Variants in DHX38 observed in about 807,000 individuals in gnomAD.
DHX38 encodes pre-mRNA-splicing factor ATP-dependent RNA helicase PRP16.
Under a neutral mutation model 153.1 loss-of-function variants are expected in DHX38, and 100 were observed. The ratio of observed to expected loss-of-function variants is 0.65; its 90% confidence interval spans 0.56 to 0.77. The LOEUF is 0.77. DHX38 is among the 30% of genes least tolerant of loss of function. The pLI, the probability that DHX38 is intolerant of heterozygous loss-of-function variation, is 0.00. For missense variants in DHX38, 1,440 were observed against 1,654.0 expected, an observed-to-expected ratio of 0.87 and a Z score of 2.24; for synonymous variants, 650 against 631.7, an observed-to-expected ratio of 1.03 and a Z score of -0.43.
rs111685951 is a variant in DHX38 at position 72,108,814 on chromosome 16, C to A, written c.3270C>A (p.Tyr1090Ter). 5 of 1,613,578 alleles carry A rather than the reference C, an allele frequency of 3.1e-6. No homozygotes were observed. The highest frequency in any genetic ancestry group is 4.2e-6 in the Non-Finnish European group (5 of 1,179,820). ...CTCCTCCCTAGGGAATCGGGGAGTACGTGAACATCCGCACAGGGATGCCCT... is the reference window on the plus strand; with the variant it reads ...CTCCTCCCTAGGGAATCGGGGAGTAAGTGAACATCCGCACAGGGATGCCCT... The part of the protein sequence containing the change: ...QAAKLKGIGE[Y>*]VNIRTGMPCH... The change falls in exon 24 of 27, where the codon TAC becomes TAA. Residue 1090 changes from tyrosine (Y) to a stop codon, truncating the protein, a stop_gained. Transcript: ENST00000268482. LOFTEE classifies it high-confidence loss of function.
Position 72,096,291 on chromosome 16 carries a change from G to C in DHX38, c.134G>C (p.Arg45Pro). Residue 45 changes from arginine to proline, a missense_variant, in exon 2 of 27, where the codon CGC becomes CCC. By Grantham distance (103) the Arg-to-Pro change is moderately radical. This residue lies in a region of DHX38 where 483 missense variants were observed against 465.1 expected (regional missense o/e 1.04). Transcript: ENST00000268482. ...CATGTCTTCAAGGCTCCTGCTCCCC[G>C]CCCTTCATTACTCGGACTGGACTTG... ...EQHVFKAPAPRPSLLGLDLLA... is the reference protein window; with the variant it reads ...EQHVFKAPAPPPSLLGLDLLA... 2 of 1,614,146 alleles carry C rather than the reference G, an allele frequency of 1.2e-6. No individual in the cohort carries two copies. Among genetic ancestry groups the C allele is most frequent in the Non-Finnish European group, 1.7e-6 (2 of 1,180,010 alleles).
At chr16:72,097,172 T>G in intron 3 of DHX38, 163 bp downstream of exon 3, 3 of 684,150 alleles carry the variant, frequency 4.4e-6, no homozygotes, top group Non-Finnish European at 6.9e-6. Context: ...GAATACTAGT[T>G]TAAGAAAAGA....
At position 72,104,665 on chromosome 16, in the gene DHX38, C is replaced by T. The variant is rs757392534; in HGVS notation, c.2151+39C>T. 5 of 1,612,524 alleles carry T rather than the reference C, an allele frequency of 3.1e-6. No individual in the cohort carries two copies. In the Admixed American group the frequency reaches 8.3e-5, roughly 27 times the overall value. On this transcript the variant is annotated intron_variant, in intron 15 of 26. Coordinates refer to ENST00000268482, the MANE Select transcript of DHX38 (RefSeq NM_014003.4). This position sits in a 1 kb window ranked among gnomAD's most constrained non-coding sequence, Gnocchi z 4.5. ...CATGTTACGAACTGACCCTTCCATG[C>T]CACGCACTTCTCTGATGCGAAGCCG...
chr16:72,095,558 T>A (rs2144126132), intron 1 of DHX38, among the ~76,000 whole-genome samples: 1 of 152,384 alleles, frequency 6.6e-6, no homozygotes, highest in South Asian at 2.1e-4. Flanking sequence ...TACATTTATG[T>A]TAACTGTTAT....
Position 72,112,573 on chromosome 16 carries a change from A to G in DHX38, c.*76A>G. ...TCTGGCGGGAGCCCTGAGGCTGCGG[A>G]CAAAGCCCTTTCATCTGAGGACTTT... is the stretch of plus-strand genomic sequence containing the variant. On this transcript the variant is annotated 3_prime_UTR_variant, in exon 27 of 27. Coordinates refer to ENST00000268482, the MANE Select transcript of DHX38 (RefSeq NM_014003.4). The G allele has an allele frequency of 5.3e-6, 8 of 1,506,004 alleles. No individual in the cohort carries two copies. Among genetic ancestry groups the G allele is most frequent in the Non-Finnish European group, 7.3e-6 (8 of 1,093,580 alleles). The allele number at this position is 1,506,004 out of a possible 1,614,324, so 93.3% of individuals were successfully genotyped here.
At chr16:72,103,890 G>C (rs778545080) in intron 13 of DHX38, 56 bp from the exon 14 acceptor site, 10 of 1,606,446 alleles carry the variant, frequency 6.2e-6, no homozygotes, top group Non-Finnish European at 8.5e-6. Context: ...CCAGTACGGG[G>C]TGTGCTGGTG....
intron 11 of DHX38, among the ~76,000 whole-genome samples, chr16:72,102,499 T>G (rs575185823): frequency 1.3e-5 from 2 of 152,228 alleles, no homozygotes; most frequent in African/African-American, 4.8e-5. Flanking sequence ...ATCTCGGGTG[T>G]GTACATGTGT....
At chr16:72,094,614 A>G (rs2041980808) in intron 1 of DHX38, among the ~76,000 whole-genome samples, 3 of 152,236 alleles carry the variant, frequency 2.0e-5, no homozygotes, top group Non-Finnish European at 2.9e-5. Flanking sequence ...AATCCTTCTC[A>G]AGAATCTTGC....
At chr16:72,096,071 C>T (rs2042012911) in intron 1 of DHX38, 68 bp from the exon 2 acceptor site, 3 of 1,468,786 alleles carry the variant, frequency 2.0e-6, no homozygotes, top group Admixed American at 4.3e-5. Flanking sequence ...ATAACCATAA[C>T]TGCATTTATT....
Position 72,107,259 on chromosome 16 carries a change from C to T in DHX38, c.2601-81C>T. 7.1e-7 allele frequency: 1 copy of T among 1,411,630 alleles called. No individual in the cohort carries two copies. The highest frequency in any genetic ancestry group is 1.4e-5 in the South Asian group (1 of 73,820). The allele number at this position is 1,411,630 out of a possible 1,614,324, so 87.4% of individuals were successfully genotyped here. A position where few individuals can be genotyped will look rare whatever the true frequency, so the allele number is the denominator to read the frequency against. On this transcript the variant is annotated intron_variant, in intron 19 of 26. Coordinates refer to ENST00000268482, the MANE Select transcript of DHX38 (RefSeq NM_014003.4). This position sits in a 1 kb window ranked among gnomAD's most constrained non-coding sequence, Gnocchi z 5.3. ...GGTGGGGAGAAGAAATGAGAATTTC[C>T]TCCCTCCCTGTGGGATTTCATCTGT...
At position 72,101,564 on chromosome 16, in the gene DHX38, A is replaced by C; in HGVS notation, c.1451A>C (p.Glu484Ala). 6.4e-7 allele frequency: 1 copy of C among 1,552,094 alleles called. No homozygotes were observed. Among genetic ancestry groups the C allele is most frequent in the Non-Finnish European group, 8.7e-7 (1 of 1,147,210 alleles). ...GGAGATATAATGGGCGTCAAGAAGG[A>C]GGAAGAGCCAGATAAAGCTGTGACG... is the stretch of plus-strand genomic sequence containing the variant. ...KLGDIMGVKK[E>A]EEPDKAVTED... The change falls in exon 11 of 27, where the codon GAG becomes GCG. Residue 484 changes from glutamate to alanine, a missense_variant. Around this residue, in one of 6 missense-constraint regions of DHX38, gnomAD observed 241 missense variants for 229.5 expected, o/e 1.05. Coordinates refer to ENST00000268482, the MANE Select transcript of DHX38 (RefSeq NM_014003.4).
intron 24 of DHX38, 34 bp downstream of exon 24, chr16:72,108,959 GC>G (rs2042221569): frequency 1.7e-5 from 27 of 1,558,254 alleles, no homozygotes; most frequent in Non-Finnish European, 2.3e-5. Flanking sequence ...CATAATGCAG[GC>G]CCCCTGTCTG....
chr16:72,106,157 G>C, intron 19 of DHX38, 40 bp downstream of exon 19: 6 of 1,599,110 alleles, frequency 3.8e-6, no homozygotes, highest in Non-Finnish European at 5.1e-6. Flanking sequence ...GGGCAGCGCT[G>C]GGGTTGCTGA....
intron 26 of DHX38, among the ~76,000 whole-genome samples, chr16:72,111,456 T>A (rs1187531094): frequency 6.6e-6 from 1 of 152,220 alleles, no homozygotes; most frequent in African/African-American, 2.4e-5. Context: ...CAGGCCTCCG[T>A]GAGAACGCCC....
At chr16:72,110,439 AG>A (rs911327915) in intron 25 of DHX38, among the ~76,000 whole-genome samples, 2 of 152,194 alleles carry the variant, frequency 1.3e-5, no homozygotes, top group Non-Finnish European at 2.9e-5. Context: ...GAGGGGCCCC[AG>A]TGGTGGCAGC....
At chr16:72,100,630 C>A in intron 9 of DHX38, 33 bp downstream of exon 9, 1 of 1,607,536 alleles carries the variant, frequency 6.2e-7, no homozygotes, top group South Asian at 1.1e-5. Flanking sequence ...GACAAGACAG[C>A]TCAGAGAGAC....
At position 72,097,625 on chromosome 16, in the gene DHX38, G is replaced by A. The variant is rs1274432085; in HGVS notation, c.512-52G>A. The stretch of plus-strand genomic sequence containing the variant: ...TGTCCTTTCTCTAGGGTGAAGATGT[G>A]TATACCTTAGGATGGGATGCATGTT... On this transcript the variant is annotated intron_variant, in intron 3 of 26. Transcript: ENST00000268482. 4.5e-6 allele frequency: 7 copies of A among 1,553,522 alleles called. No homozygotes were observed. The South Asian group carries it at 4.6e-5, about 10-fold the overall frequency.
At position 72,101,526 on chromosome 16, in the gene DHX38, G is replaced by A. The variant is rs370933306; in HGVS notation, c.1413G>A (p.Ala471=). 129 of 1,552,012 alleles carry A rather than the reference G, an allele frequency of 8.3e-5. No individual in the cohort carries two copies. The highest frequency in any genetic ancestry group is 1.7e-4 in the Middle Eastern group (1 of 5,994). ...KKAQHKHWEL[A]GTKLGDIMGV... is the part of the protein sequence containing the mutation. ...CTCAGCACAAACACTGGGAACTGGC[G>A]GGGACCAAACTGGGAGATATAATGG... The change falls in exon 11 of 27, where the codon GCG becomes GCA. Residue 471 remains alanine, a synonymous_variant. Transcript: ENST00000268482.
At chr16:72,097,397 G>T (rs549370742) in intron 3 of DHX38, 258 of 455,144 alleles carry the variant, frequency 5.7e-4, no homozygotes, top group South Asian at 1.0e-3. Flanking sequence ...TGATAGAATT[G>T]TAACTATTAA....
Sources: gnomAD v4.1 joint callset for allele counts (sites outside exome capture counted in the v4.1 genomes callset) on GRCh38, gnomAD v4.1.1 for gene constraint, gnomAD v4.1.1 regional missense constraint, Gnocchi (gnomAD v3.1) non-coding constraint, MANE v1.5 for transcripts, NCBI Gene and HGNC (gene_info 2026-07-23, HGNC 2026-07-21) for gene names.